Variants in ABTB3 observed in about 807,000 individuals in gnomAD.
ABTB3 encodes the protein ankyrin repeat and BTB domain containing 3.
the ABTB3 span, among the ~76,000 whole-genome samples, chr12:107,543,440 T>C: frequency 2.0e-5 from 3 of 151,688 alleles, no homozygotes; most frequent in Non-Finnish European, 1.5e-5. Context: ...GAGGAATTAA[T>C]TTATAAGCAG....
the ABTB3 span, chr12:107,581,412 C>T: frequency 3.7e-5 from 35 of 941,314 alleles, no homozygotes; most frequent in Non-Finnish European, 4.9e-5. Context: ...CCGCACACCT[C>T]GGCGGCGCTG....
chr12:107,616,095 G>A, the ABTB3 span, among the ~76,000 whole-genome samples: 1 of 152,154 alleles, frequency 6.6e-6, no homozygotes, highest in African/African-American at 2.4e-5. Context: ...CTGAGAGCTG[G>A]CTTCTGCCTA....
chr12:107,445,891 C>A, the ABTB3 span, among the ~76,000 whole-genome samples: 9 of 134,908 alleles, frequency 6.7e-5, no homozygotes, highest in Non-Finnish European at 1.4e-4. Flanking sequence ...TCTCCCCTCT[C>A]CCCTCTCCCC....
chr12:107,522,538 C>T, the ABTB3 span, among the ~76,000 whole-genome samples: 49 of 151,428 alleles, frequency 3.2e-4, no homozygotes, highest in Middle Eastern at 6.8e-3. Context: ...CCCCTCCCCT[C>T]CCACCCACAC....
chr12:107,353,343 C>T, the ABTB3 span, among the ~76,000 whole-genome samples: 1 of 152,104 alleles, frequency 6.6e-6, no homozygotes, highest in African/African-American at 2.4e-5. Context: ...GGTTAACAAT[C>T]AAAGACTGAG....
the ABTB3 span, among the ~76,000 whole-genome samples, chr12:107,409,450 G>C: frequency 6.1e-4 from 93 of 152,336 alleles, no homozygotes; most frequent in African/African-American, 2.1e-3. Flanking sequence ...GGAATATAAA[G>C]ATACATGCAC....
At chr12:107,572,168 C>T in the ABTB3 span, among the ~76,000 whole-genome samples, 1 of 152,066 alleles carries the variant, frequency 6.6e-6, no homozygotes, top group African/African-American at 2.4e-5. Flanking sequence ...GAGAAGGATG[C>T]TTGACACAAA....
At chr12:107,541,226 C>T in the ABTB3 span, among the ~76,000 whole-genome samples, 1 of 152,182 alleles carries the variant, frequency 6.6e-6, no homozygotes, top group Non-Finnish European at 1.5e-5. Context: ...TCCTGCCTCT[C>T]ACTTTGCCTC....
At chr12:107,523,109 G>A in the ABTB3 span, among the ~76,000 whole-genome samples, 1 of 152,166 alleles carries the variant, frequency 6.6e-6, no homozygotes, top group African/African-American at 2.4e-5. Context: ...AGCAAATCCT[G>A]AACTATGAAA....
the ABTB3 span, among the ~76,000 whole-genome samples, chr12:107,579,114 A>G: frequency 1.3e-5 from 2 of 152,192 alleles, no homozygotes; most frequent in African/African-American, 4.8e-5. Context: ...AGTCAGGAGG[A>G]ACGTCTAGGG....
At chr12:107,530,434 C>A in the ABTB3 span, among the ~76,000 whole-genome samples, 1 of 152,214 alleles carries the variant, frequency 6.6e-6, no homozygotes, top group Non-Finnish European at 1.5e-5. Flanking sequence ...ACAAGTAGCA[C>A]ATGCCATAAT....
At chr12:107,410,472 A>G in the ABTB3 span, among the ~76,000 whole-genome samples, 25 of 152,286 alleles carry the variant, frequency 1.6e-4, no homozygotes, top group Non-Finnish European at 2.5e-4. Context: ...AGGACCTACC[A>G]TGGTTTGCAC....
At chr12:107,571,144 T>C in the ABTB3 span, among the ~76,000 whole-genome samples, 1 of 152,218 alleles carries the variant, frequency 6.6e-6, no homozygotes, top group South Asian at 2.1e-4. Context: ...AAACCCTCAA[T>C]AGTAGCTAAG....
chr12:107,446,054 G>A, the ABTB3 span, among the ~76,000 whole-genome samples: 3 of 151,992 alleles, frequency 2.0e-5, no homozygotes, highest in Non-Finnish European at 2.9e-5. Context: ...CTTTTGCCCT[G>A]TAAGGTCACA....
chr12:107,624,561 C>T, the ABTB3 span, among the ~76,000 whole-genome samples: 7 of 152,172 alleles, frequency 4.6e-5, no homozygotes, highest in African/African-American at 1.4e-4. Context: ...ATTTAAAGAA[C>T]GTGATTTAAA....
At chr12:107,620,610 TGAGG>T in the ABTB3 span, among the ~76,000 whole-genome samples, 1 of 151,964 alleles carries the variant, frequency 6.6e-6, no homozygotes, top group Non-Finnish European at 1.5e-5. Flanking sequence ...ATCGGTAGGA[TGAGG>T]GAAATGGTTG....
At chr12:107,637,786 T>TGTG in the ABTB3 span, among the ~76,000 whole-genome samples, 227 of 144,740 alleles carry the variant, frequency 1.6e-3, 2 homozygotes, top group African/African-American at 5.4e-3. Context: ...AGCACTGATT[T>TGTG]TGTGTGTGTG....
chr12:107,549,652 A>G, the ABTB3 span, among the ~76,000 whole-genome samples: 1 of 152,196 alleles, frequency 6.6e-6, no homozygotes, highest in Admixed American at 6.5e-5. Flanking sequence ...TGAAAATTTG[A>G]CCTTGAATTA....
chr12:107,363,143 T>C, the ABTB3 span, among the ~76,000 whole-genome samples: 13 of 152,350 alleles, frequency 8.5e-5, no homozygotes, highest in Admixed American at 7.8e-4. Flanking sequence ...CGGGTTGAAA[T>C]GGCATGCCCC....
Sources: gnomAD v4.1 joint callset for allele counts (sites outside exome capture counted in the v4.1 genomes callset) on GRCh38, gnomAD v4.1.1 for gene constraint, MANE v1.5 for transcripts, NCBI Gene and HGNC (gene_info 2026-07-23, HGNC 2026-07-21) for gene names.